Variants in TRIO observed in about 807,000 individuals in gnomAD.
The protein encoded by TRIO is trio Rho guanine nucleotide exchange factor, also known as triple functional domain protein.
A neutral mutation model predicts 351.9 loss-of-function variants in TRIO; 58 were observed. The ratio of observed to expected loss-of-function variants is 0.16; its 90% CI spans 0.13 to 0.21. TRIO has a LOEUF of 0.21. Among genes scored for constraint, TRIO ranks in the 10% least tolerant of loss-of-function variants. The probability of loss-of-function intolerance (pLI) is 1.00; values close to 1 mark genes in which losing one functional copy is unlikely to be tolerated. For synonymous variants in TRIO, 1,758 were observed against 1,595.7 expected (o/e 1.10, Z -2.42); for missense variants, 3,201 against 4,027.8 (o/e 0.79, Z 5.56).
chr5:14,461,002 CTCTT>C lies in TRIO; in HGVS notation c.5204-13_5204-10del, dbSNP rs1216809017. The C allele has an allele frequency of 6.5e-7, 1 of 1,543,188 alleles. No homozygotes were observed. The highest frequency in any genetic ancestry group is 1.4e-5 in the African/African-American group (1 of 72,884). ...TCTGTGCGAGTCAGTGATACTCCCT[CTCTT>C]TCTCCCTGGCAGACTCGCTCTCCGT... On this transcript the variant is annotated splice_polypyrimidine_tract_variant and intron_variant, in intron 34 of 56. Coordinates refer to ENST00000344204, the MANE Select transcript of TRIO (RefSeq NM_007118.4).
At position 14,492,728 on chromosome 5, in the gene TRIO, G is replaced by A. The variant is rs1240000370; in HGVS notation, c.7794G>A (p.Gln2598=). 3 of 1,614,184 alleles carry A rather than the reference G, an allele frequency of 1.9e-6. No individual in the cohort carries two copies. Among genetic ancestry groups the A allele is most frequent in the South Asian group, 1.1e-5 (1 of 91,088 alleles). Residue 2598 remains glutamine (Q), a synonymous_variant, in exon 49 of 57, where the codon CAG becomes CAA. Transcript: ENST00000344204. ...MFLVFRAATD[Q]CPAAEGWIPG... is the part of the protein sequence containing the mutation. ...TGGTGTTCCGAGCCGCCACTGACCA[G>A]TGCCCCGCAGCTGAGGGCTGGATTC...
chr5:14,296,796 T>C (rs1737399522), intron 6 of TRIO, among the ~76,000 whole-genome samples: 1 of 152,200 alleles, frequency 6.6e-6, no homozygotes, highest in Admixed American at 6.5e-5. Flanking sequence ...TGCACCCACT[T>C]GTGTATTTGA....
At chr5:14,479,442 T>A in intron 42 of TRIO, 92 bp downstream of exon 42, 1 of 1,160,208 alleles carries the variant, frequency 8.6e-7, no homozygotes, top group Non-Finnish European at 1.2e-6. Context: ...CCCAGGAGAC[T>A]AATTTCCAAA....
At chr5:14,221,525 G>T (rs904395837) in intron 1 of TRIO, among the ~76,000 whole-genome samples, 1 of 152,222 alleles carries the variant, frequency 6.6e-6, no homozygotes, top group South Asian at 2.1e-4. Flanking sequence ...TGTGATTCAT[G>T]GGAGGAGGTC....
Position 14,509,568 on chromosome 5 carries a change from AT to A in TRIO, c.*1154del, listed in dbSNP as rs1375809196. The A allele has an allele frequency of 5.9e-5, 18 of 304,616 alleles. No homozygotes were observed. The highest frequency in any genetic ancestry group is 1.5e-4 in the South Asian group (6 of 40,692). The allele number at this position is 304,616 out of a possible 1,614,324, so 18.9% of individuals were successfully genotyped here. A position where few individuals can be genotyped will look rare whatever the true frequency, so the allele number is the denominator to read the frequency against. On this transcript the variant is annotated 3_prime_UTR_variant, in exon 57 of 57. Coordinates refer to ENST00000344204, the MANE Select transcript of TRIO (RefSeq NM_007118.4). ...CTATTATTCAGAATGCCAAAGTATT[AT>A]TTTTTTTCCCAAAATCAGTCTGGAC...
At chr5:14,468,367 T>G (rs1754429343) in intron 37 of TRIO, among the ~76,000 whole-genome samples, 1 of 152,272 alleles carries the variant, frequency 6.6e-6, no homozygotes, top group Admixed American at 6.5e-5. Context: ...AGGCAAGTCC[T>G]TCAGCCTCGG....
chr5:14,302,696 G>A (rs1250320841), intron 7 of TRIO, among the ~76,000 whole-genome samples: 1 of 152,156 alleles, frequency 6.6e-6, no homozygotes, highest in Non-Finnish European at 1.5e-5. Context: ...TAAACTGGGA[G>A]TTTGTTCTTA....
Position 14,457,373 on chromosome 5 carries a change from T to TCCCCCCCCCCCCCCCCCC in TRIO, c.5204-3632_5204-3631insCCCCCCCCCCCCCCCCCC, listed in dbSNP as rs61513660. On this transcript the variant is annotated intron_variant, in intron 34 of 56. Transcript: ENST00000344204. ...GCTCCCACCTTGGGCAGCCCTGACC[T>TCCCCCCCCCCCCCCCCCC]CCCCCCCCCCCCCCGCCCCGCCCCC... Among the ~76,000 whole-genome samples, 5 of 48,966 alleles carry TCCCCCCCCCCCCCCCCCC rather than the reference T, an allele frequency of 1.0e-4. 1 individual carries two copies. The highest frequency in any genetic ancestry group is 2.8e-4 in the African/African-American group (4 of 14,384). 32.1% of individuals were successfully genotyped at this position (48,966 alleles called of 152,430 possible).
At chr5:14,336,803 G>T (rs1400678146) in intron 11 of TRIO, 76 bp downstream of exon 11, 1 of 1,507,426 alleles carries the variant, frequency 6.6e-7, no homozygotes, top group African/African-American at 1.4e-5. Context: ...CCTAAATTTA[G>T]TCATAATGTG....
At chr5:14,284,671 G>T (rs575051618) in intron 3 of TRIO, among the ~76,000 whole-genome samples, 13 of 152,302 alleles carry the variant, frequency 8.5e-5, no homozygotes, top group African/African-American at 2.6e-4. Flanking sequence ...TGTAGTTCGT[G>T]TGCATACTGT....
rs1757368610 is a variant in TRIO, at chr5:14,502,517, A to G, written c.8333-62A>G. 5 of 1,566,590 alleles carry G rather than the reference A, an allele frequency of 3.2e-6. No homozygotes were observed. The East Asian group carries it at 6.7e-5, about 21-fold the overall frequency. On this transcript the variant is annotated intron_variant, in intron 53 of 56. Coordinates refer to ENST00000344204, the MANE Select transcript of TRIO (RefSeq NM_007118.4). ...GCTGTGAGGGACAGTGCGTGGCGAT[A>G]GCCTTCTTACCCAAGAAGCTCCACG...
intron 28 of TRIO, among the ~76,000 whole-genome samples, chr5:14,395,379 G>A (rs1156821755): frequency 6.6e-6 from 1 of 152,206 alleles, no homozygotes; most frequent in African/African-American, 2.4e-5. Context: ...TTACCTTTCA[G>A]TGTCCTCAAG....
At chr5:14,397,220 T>A (rs942424059) in intron 29 of TRIO, 66 bp downstream of exon 29, 1 of 1,318,014 alleles carries the variant, frequency 7.6e-7, no homozygotes, top group African/African-American at 1.5e-5. Flanking sequence ...TGTAAATGGA[T>A]TTCCTGAACC....
At chr5:14,170,508 CT>C (rs3994019) in intron 1 of TRIO, among the ~76,000 whole-genome samples, 18,484 of 133,546 alleles carry the variant, frequency 0.14, 1,202 homozygotes, top group African/African-American at 0.24. Flanking sequence ...GCTTCTCTCT[CT>C]TTTTTTTTTT....
chr5:14,464,808 T>C (rs540361479), intron 36 of TRIO, among the ~76,000 whole-genome samples: 10 of 152,232 alleles, frequency 6.6e-5, no homozygotes, highest in African/African-American at 2.4e-4. Context: ...CCCAGTTAAT[T>C]AACGGCTCAA....
At chr5:14,255,839 CT>C (rs1581459329) in intron 1 of TRIO, among the ~76,000 whole-genome samples, 1 of 152,122 alleles carries the variant, frequency 6.6e-6, no homozygotes, top group Non-Finnish European at 1.5e-5. Flanking sequence ...TGTTCAAAGA[CT>C]TTAGGAATTT....
intron 46 of TRIO, among the ~76,000 whole-genome samples, chr5:14,483,475 G>A (rs1755682272): frequency 6.6e-6 from 1 of 152,180 alleles, no homozygotes; most frequent in African/African-American, 2.4e-5. Flanking sequence ...CCTGCCCTAC[G>A]CCATCAGGGA....
At chr5:14,301,526 A>G (rs899740050) in intron 7 of TRIO, among the ~76,000 whole-genome samples, 2 of 152,090 alleles carry the variant, frequency 1.3e-5, no homozygotes, top group African/African-American at 4.8e-5. Flanking sequence ...TGTGCTAGAC[A>G]TGTTCCCCCA....
At chr5:14,213,681 G>T (rs1792049528) in intron 1 of TRIO, among the ~76,000 whole-genome samples, 1 of 152,220 alleles carries the variant, frequency 6.6e-6, no homozygotes, top group Non-Finnish European at 1.5e-5. Flanking sequence ...GAACTGTAAA[G>T]TCAGGGAAAA....
Sources: allele counts gnomAD v4.1 joint callset (sites outside exome capture counted in the v4.1 genomes callset), GRCh38; gene constraint gnomAD v4.1.1; transcripts MANE v1.5; gene names NCBI Gene and HGNC (gene_info 2026-07-23, HGNC 2026-07-21).